TSPAN2: variants seen among roughly 807,000 people sequenced by gnomAD.
TSPAN2 encodes the protein tetraspanin 2.
Under a neutral mutation model 33.3 loss-of-function variants are expected in TSPAN2, and 24 were observed. That is an observed-to-expected ratio of 0.72 (90% CI 0.52 to 1.01). TSPAN2 has a LOEUF of 1.01. Among genes scored for constraint, TSPAN2 ranks in the 50% least tolerant of loss-of-function variants. The pLI, the probability that TSPAN2 is intolerant of heterozygous loss-of-function variation, is 0.00. For missense variants in TSPAN2, 278 were observed against 281.3 expected (o/e 0.99, Z 0.08); for synonymous variants, 114 against 104.5 (o/e 1.09, Z -0.56).
intron 1 of TSPAN2, among the ~76,000 whole-genome samples, chr1:115,082,541 C>G (rs182431577): frequency 9.8e-5 from 15 of 152,358 alleles, no homozygotes; most frequent in African/African-American, 3.4e-4. Flanking sequence ...GCTTACTATT[C>G]TTCAAGTTTT....
intron 1 of TSPAN2, among the ~76,000 whole-genome samples, chr1:115,080,926 C>G (rs1225890344): frequency 6.6e-6 from 1 of 152,126 alleles, no homozygotes. Context: ...TAAGCAAAGA[C>G]AACACATTAA....
chr1:115,061,710 C>T (rs892481014), intron 3 of TSPAN2, among the ~76,000 whole-genome samples: 20 of 152,012 alleles, frequency 1.3e-4, no homozygotes, highest in African/African-American at 4.6e-4. Flanking sequence ...TTTGCTCTGT[C>T]GCCCAGGTTG....
intron 1 of TSPAN2, among the ~76,000 whole-genome samples, chr1:115,082,812 T>C (rs1648677644): frequency 6.6e-6 from 1 of 152,210 alleles, no homozygotes; most frequent in African/African-American, 2.4e-5. Flanking sequence ...TTATACCTTA[T>C]ATTCTACACG....
At chr1:115,085,019 C>A (rs1294100144) in intron 1 of TSPAN2, among the ~76,000 whole-genome samples, 3 of 152,126 alleles carry the variant, frequency 2.0e-5, no homozygotes, top group Non-Finnish European at 4.4e-5. Flanking sequence ...ACTGACCATA[C>A]AACAATAAAC....
intron 2 of TSPAN2, 53 bp from the exon 3 acceptor site, chr1:115,062,285 G>A: frequency 5.0e-6 from 7 of 1,399,956 alleles, no homozygotes; most frequent in Non-Finnish European, 5.0e-6. Flanking sequence ...GTGCCTCCAC[G>A]ACCAACTAGG....
intron 2 of TSPAN2, among the ~76,000 whole-genome samples, chr1:115,063,836 A>T (rs1464704110): frequency 1.3e-5 from 2 of 152,196 alleles, no homozygotes; most frequent in East Asian, 3.8e-4. Context: ...GTTCTCACTT[A>T]TAAGTAGGAG....
chr1:115,051,571 A>G (rs1330443627), intron 7 of TSPAN2, among the ~76,000 whole-genome samples: 1 of 152,182 alleles, frequency 6.6e-6, no homozygotes, highest in Non-Finnish European at 1.5e-5. Context: ...GAGCCCATGG[A>G]ACCCTATCTG....
chr1:115,081,456 C>T (rs996751411), intron 1 of TSPAN2, among the ~76,000 whole-genome samples: 1 of 152,210 alleles, frequency 6.6e-6, no homozygotes, highest in Non-Finnish European at 1.5e-5. Context: ...TAGAAATTCA[C>T]CTCTTCTGGG....
chr1:115,074,445 C>T (rs771642834), intron 1 of TSPAN2, among the ~76,000 whole-genome samples: 1 of 152,128 alleles, frequency 6.6e-6, no homozygotes, highest in Non-Finnish European at 1.5e-5. Flanking sequence ...ACCAGCTGGA[C>T]TCTCCCTTGT....
chr1:115,072,141 A>G (rs1421758582), intron 2 of TSPAN2, among the ~76,000 whole-genome samples: 1 of 152,142 alleles, frequency 6.6e-6, no homozygotes, highest in Admixed American at 6.5e-5. Flanking sequence ...GAAATGCTAG[A>G]ATTAGGTCAA....
chr1:115,081,088 T>C (rs903011313), intron 1 of TSPAN2, among the ~76,000 whole-genome samples: 1 of 152,226 alleles, frequency 6.6e-6, no homozygotes, highest in Non-Finnish European at 1.5e-5. Flanking sequence ...AAGGCTAGAT[T>C]AGAAAAGCCA....
At chr1:115,061,648 G>A (rs1647726240) in intron 3 of TSPAN2, among the ~76,000 whole-genome samples, 1 of 152,006 alleles carries the variant, frequency 6.6e-6, no homozygotes, top group Non-Finnish European at 1.5e-5. Flanking sequence ...TCCCATATAA[G>A]GCAGGAACAA....
intron 1 of TSPAN2, among the ~76,000 whole-genome samples, chr1:115,089,016 G>C (rs972478659): frequency 1.7e-4 from 2 of 11,778 alleles, no homozygotes; most frequent in African/African-American, 1.3e-3. Context: ...GACTGGAGGG[G>C]AACAGGGACC....
intron 3 of TSPAN2, 33 bp from the exon 4 acceptor site, chr1:115,060,571 T>C: frequency 6.5e-7 from 1 of 1,530,160 alleles, no homozygotes; most frequent in Non-Finnish European, 9.0e-7. Context: ...ATTTCATTAA[T>C]TTAATACCTT....
intron 1 of TSPAN2, among the ~76,000 whole-genome samples, chr1:115,079,929 C>A (rs1648562608): frequency 6.6e-6 from 1 of 152,210 alleles, no homozygotes. Flanking sequence ...ATTCAGGCCA[C>A]AATAAAATCA....
intron 1 of TSPAN2, among the ~76,000 whole-genome samples, chr1:115,086,587 A>T (rs1557886796): frequency 6.6e-6 from 1 of 152,186 alleles, no homozygotes; most frequent in African/African-American, 2.4e-5. Flanking sequence ...TCACTGGTTA[A>T]CACATTCAAG....
At chr1:115,052,153 C>G (rs949768886) in intron 7 of TSPAN2, among the ~76,000 whole-genome samples, 1 of 152,166 alleles carries the variant, frequency 6.6e-6, no homozygotes, top group Non-Finnish European at 1.5e-5. Context: ...CAGGCTATCC[C>G]CAGAGCAGGT....
intron 1 of TSPAN2, among the ~76,000 whole-genome samples, chr1:115,077,528 CA>C (rs1198277906): frequency 6.6e-6 from 1 of 152,084 alleles, no homozygotes. Context: ...TTAGTGAAAA[CA>C]ATGTGTGTTC....
intron 2 of TSPAN2, among the ~76,000 whole-genome samples, chr1:115,072,055 T>C (rs747529): frequency 0.33 from 50,708 of 152,060 alleles, 9,111 homozygotes; most frequent in African/African-American, 0.44. Context: ...GGTGCCACCT[T>C]TAATGACAAT....
Sources: gnomAD v4.1 joint callset for allele counts (sites outside exome capture counted in the v4.1 genomes callset) on GRCh38, gnomAD v4.1.1 for gene constraint, MANE v1.5 for transcripts, NCBI Gene and HGNC (gene_info 2026-07-23, HGNC 2026-07-21) for gene names.